The following NLRP5 variants were observed in gnomAD, a reference collection of about 807,000 sequenced individuals.
The protein encoded by NLRP5 is NACHT, LRR and PYD domains-containing protein 5.
Under a neutral mutation model 113.1 loss-of-function variants are expected in NLRP5, and 93 were observed. The ratio of observed to expected loss-of-function variants is 0.82; its 90% CI spans 0.70 to 0.98. NLRP5 has a LOEUF of 0.98. Among genes scored for constraint, NLRP5 ranks in the 50% least tolerant of loss-of-function variants. The probability of loss-of-function intolerance (pLI) is 0.00; values close to 1 mark genes in which losing one functional copy is unlikely to be tolerated. For missense variants in NLRP5, 1,808 were observed against 1,514.3 expected (o/e 1.19, Z -3.22); for synonymous variants, 751 against 600.7 (o/e 1.25, Z -3.66).
At chr19:56,056,596 A>G (rs765978978) in intron 13 of NLRP5, among the ~76,000 whole-genome samples, 12 of 152,060 alleles carry the variant, frequency 7.9e-5, no homozygotes, top group Non-Finnish European at 1.3e-4. Context: ...AATTTAACCC[A>G]TGTTAATCAG....
chr19:56,055,234 C>T (rs753542050), intron 13 of NLRP5, among the ~76,000 whole-genome samples: 32 of 151,820 alleles, frequency 2.1e-4, no homozygotes, highest in East Asian at 9.7e-4. Context: ...TCAAGTGATC[C>T]GCCGGCCTCA....
chr19:56,030,145 G>A (rs557277503), intron 7 of NLRP5, among the ~76,000 whole-genome samples: 43 of 151,196 alleles, frequency 2.8e-4, no homozygotes, highest in Non-Finnish European at 5.6e-4. Context: ...TGAGGCAGGT[G>A]GATCACACTA....
chr19:56,004,228 T>C (rs4801658), intron 2 of NLRP5, 133 bp downstream of exon 2: 122,974 of 947,852 alleles, frequency 0.13, 10,643 homozygotes, highest in African/African-American at 0.34. Flanking sequence ...AGAAGGATCC[T>C]ATTGGTCATC....
chr19:56,056,588 T>C (rs1488377099), intron 13 of NLRP5, among the ~76,000 whole-genome samples: 1 of 152,058 alleles, frequency 6.6e-6, no homozygotes, highest in Non-Finnish European at 1.5e-5. Context: ...CGGTAGTTAA[T>C]TTAACCCATG....
chr19:56,005,540 G>A (rs1463272366), intron 2 of NLRP5, among the ~76,000 whole-genome samples: 1 of 143,376 alleles, frequency 7.0e-6, no homozygotes, highest in Admixed American at 7.1e-5. Context: ...ACGCACACAC[G>A]CAGGTGGCAT....
the NLRP5 span, among the ~76,000 whole-genome samples, chr19:55,989,360 A>G: frequency 3.4e-3 from 524 of 152,022 alleles, 5 homozygotes; most frequent in African/African-American, 0.012. Flanking sequence ...GGTTCAAGCA[A>G]TTCTGCCTCA....
In NLRP5 at chr19:56,003,739, C is replaced by A. The variant is rs551684718; in HGVS notation, c.86C>A (p.Pro29His). 6.2e-7 allele frequency: 1 copy of A among 1,610,302 alleles called. No homozygotes were observed. The highest frequency in any genetic ancestry group is 1.1e-5 in the South Asian group (1 of 90,448). The change falls in exon 2 of 15, where the codon CCT (proline) becomes CAT (histidine). Residue 29 changes from proline to histidine, a missense_variant. Coordinates refer to ENST00000390649, the MANE Select transcript of NLRP5 (RefSeq NM_153447.4). ...AGTCTTGTCACTCTTTCCACAGGTC[C>A]TACTTGCTCTATATTACCAAAGAAT...
chr19:55,990,943 C>T, the NLRP5 span, among the ~76,000 whole-genome samples: 13 of 152,098 alleles, frequency 8.5e-5, no homozygotes, highest in Non-Finnish European at 1.6e-4. Context: ...GAGATCATAT[C>T]ACTGTACTCT....
chr19:56,036,328 A>G lies in NLRP5; in HGVS notation c.2616-1697A>G, dbSNP rs935814352. Among the ~76,000 whole-genome samples the G allele has an allele frequency of 2.0e-5, 3 of 150,902 alleles. No homozygotes were observed. In the East Asian group the frequency reaches 6.0e-4, roughly 30 times the overall value. ...GTGATCTGCCCGCCTCGGCCTCCCA[A>G]AGTGCTGGGATTACAGGCTTGAGCC... On this transcript the variant is annotated intron_variant, in intron 9 of 14. Transcript: ENST00000390649.
At chr19:56,036,583 G>C (rs1041098687) in intron 9 of NLRP5, among the ~76,000 whole-genome samples, 1 of 152,210 alleles carries the variant, frequency 6.6e-6, no homozygotes, top group African/African-American at 2.4e-5. Context: ...AGGGAGAGCA[G>C]AACAAGACAA....
At chr19:56,009,813 T>C (rs1982112616) in intron 3 of NLRP5, among the ~76,000 whole-genome samples, 1 of 152,184 alleles carries the variant, frequency 6.6e-6, no homozygotes, top group African/African-American at 2.4e-5. Flanking sequence ...AACCTCGTTT[T>C]GATGGAGCTT....
chr19:55,993,288 C>T, the NLRP5 span, among the ~76,000 whole-genome samples: 1 of 150,800 alleles, frequency 6.6e-6, no homozygotes, highest in African/African-American at 2.5e-5. Context: ...AGTTATAGTT[C>T]ACCATATTCA....
At chr19:56,021,516 T>C (rs888005573) in intron 6 of NLRP5, among the ~76,000 whole-genome samples, 3 of 152,164 alleles carry the variant, frequency 2.0e-5, no homozygotes, top group African/African-American at 7.2e-5. Flanking sequence ...CAACCACTAA[T>C]CTACTTTGTA....
intron 11 of NLRP5, among the ~76,000 whole-genome samples, chr19:56,042,252 T>C (rs1275577958): frequency 1.3e-5 from 2 of 152,096 alleles, no homozygotes; most frequent in African/African-American, 4.8e-5. Flanking sequence ...TACTACTGCA[T>C]TTATTAGTTG....
chr19:55,989,773 C>A, the NLRP5 span, among the ~76,000 whole-genome samples: 3 of 152,180 alleles, frequency 2.0e-5, no homozygotes, highest in South Asian at 6.2e-4. Flanking sequence ...AATTAACCCA[C>A]CTGTTTTTAA....
chr19:56,033,855 C>T (rs780580319), intron 9 of NLRP5, 146 bp downstream of exon 9: 2 of 685,516 alleles, frequency 2.9e-6, no homozygotes, highest in Non-Finnish European at 5.2e-6. Context: ...GAGTTGAGTG[C>T]CACTGAATTG....
At chr19:56,019,480 G>A in intron 5 of NLRP5, 82 bp downstream of exon 5, 1 of 1,446,692 alleles carries the variant, frequency 6.9e-7, no homozygotes, top group South Asian at 1.2e-5. Flanking sequence ...AGATTTCAAG[G>A]GTATGTAGTT....
At position 56,043,561 on chromosome 19, in the gene NLRP5, T is replaced by C. The variant is rs1369753531; in HGVS notation, c.2957+2469T>C. On this transcript the variant is annotated intron_variant, in intron 11 of 14. Coordinates refer to ENST00000390649, the MANE Select transcript of NLRP5 (RefSeq NM_153447.4). The stretch of plus-strand genomic sequence containing the variant: ...GCTATTCTTTTTTTTTTTTTTTTTT[T>C]TTTTTTTTTTTTTTTTTTTTTTGAG... Among the ~76,000 whole-genome samples, 150 of 43,488 alleles carry C rather than the reference T, an allele frequency of 3.4e-3. 4 individuals carry two copies. The highest frequency in any genetic ancestry group is 8.0e-3 in the African/African-American group (124 of 15,518). 28.5% of individuals were successfully genotyped at this position (43,488 alleles called of 152,430 possible).
At chr19:56,023,503 C>T (rs531446026) in intron 6 of NLRP5, among the ~76,000 whole-genome samples, 58 of 152,140 alleles carry the variant, frequency 3.8e-4, no homozygotes, top group Non-Finnish European at 6.9e-4. Context: ...AAGCGAAATC[C>T]GAATTTGCTA....
Sources: gnomAD v4.1 joint callset for allele counts (sites outside exome capture counted in the v4.1 genomes callset) on GRCh38, gnomAD v4.1.1 for gene constraint, MANE v1.5 for transcripts, NCBI Gene and HGNC (gene_info 2026-07-23, HGNC 2026-07-21) for gene names.